Variants in HPSE2 observed in about 807,000 individuals in gnomAD.
HPSE2 encodes heparanase 2 (inactive), also known as inactive heparanase-2.
A neutral mutation model predicts 60.5 loss-of-function variants in HPSE2; 38 were observed. That is an observed-to-expected ratio of 0.63 (90% CI 0.48 to 0.82). The LOEUF (loss-of-function observed/expected upper bound fraction) is 0.82. HPSE2 is among the 40% of genes least tolerant of loss of function. The pLI is 0.00. For missense variants in HPSE2, 713 were observed against 740.4 expected (o/e 0.96, Z 0.43); for synonymous variants, 295 against 293.2 (o/e 1.01, Z -0.06).
intron 3 of HPSE2, among the ~76,000 whole-genome samples, chr10:98,899,534 T>C (rs1031293282): frequency 1.3e-5 from 2 of 152,068 alleles, no homozygotes; most frequent in Non-Finnish European, 2.9e-5. Flanking sequence ...CAAAGGAATA[T>C]AGATGGCAAA....
chr10:98,980,699 T>C (rs1251487168), intron 3 of HPSE2, among the ~76,000 whole-genome samples: 1 of 152,176 alleles, frequency 6.6e-6, no homozygotes, highest in Non-Finnish European at 1.5e-5. Flanking sequence ...CCTACTAAGT[T>C]AGGTTACGGT....
intron 3 of HPSE2, among the ~76,000 whole-genome samples, chr10:99,026,232 A>G (rs1291763699): frequency 6.6e-6 from 1 of 152,072 alleles, no homozygotes; most frequent in Non-Finnish European, 1.5e-5. Context: ...TACAAGAAAC[A>G]CACCTCACCT....
At chr10:98,478,233 G>T (rs1231099554) in intron 11 of HPSE2, among the ~76,000 whole-genome samples, 1 of 152,126 alleles carries the variant, frequency 6.6e-6, no homozygotes, top group Non-Finnish European at 1.5e-5. Context: ...AGAAACCAGG[G>T]AACATGACAA....
At chr10:98,484,784 C>T (rs557721731) in intron 10 of HPSE2, among the ~76,000 whole-genome samples, 1 of 152,332 alleles carries the variant, frequency 6.6e-6, no homozygotes, top group African/African-American at 2.4e-5. Context: ...ATAAGATCTT[C>T]AGAAGTCTGA....
intron 3 of HPSE2, among the ~76,000 whole-genome samples, chr10:98,829,187 A>G (rs1951623375): frequency 6.6e-6 from 1 of 152,100 alleles, no homozygotes; most frequent in Admixed American, 6.6e-5. Context: ...ACAGGAAGAG[A>G]GAATGGGGCC....
intron 6 of HPSE2, among the ~76,000 whole-genome samples, chr10:98,675,598 C>A (rs1947619754): frequency 6.6e-6 from 1 of 151,480 alleles, no homozygotes; most frequent in African/African-American, 2.4e-5. Flanking sequence ...CATGGTGGCA[C>A]ACACCTGTCA....
intron 3 of HPSE2, among the ~76,000 whole-genome samples, chr10:99,135,093 AC>A (rs1480966977): frequency 6.6e-6 from 1 of 152,316 alleles, no homozygotes; most frequent in East Asian, 1.9e-4. Context: ...CAGACTTTAA[AC>A]CAACAAAGAT....
chr10:98,954,897 C>CA (rs1223228933), intron 3 of HPSE2, among the ~76,000 whole-genome samples: 11 of 149,894 alleles, frequency 7.3e-5, no homozygotes, highest in Non-Finnish European at 1.2e-4. Context: ...GGATGTCTCC[C>CA]AAAAAAACAC....
At chr10:98,781,306 T>TTTTTTTTTTTTTG (rs66481971) in intron 3 of HPSE2, among the ~76,000 whole-genome samples, 3 of 120,106 alleles carry the variant, frequency 2.5e-5, no homozygotes, top group Admixed American at 1.8e-4. Flanking sequence ...TTTTTTTTTT[T>TTTTTTTTTTTTTG]ATTTTTAAAT....
At chr10:98,827,126 A>C (rs984699738) in intron 3 of HPSE2, among the ~76,000 whole-genome samples, 1 of 151,726 alleles carries the variant, frequency 6.6e-6, no homozygotes, top group Non-Finnish European at 1.5e-5. Context: ...ACTCAGGCCC[A>C]GGCAACAGAG....
chr10:99,139,706 G>GAT (rs1349277191), intron 3 of HPSE2, among the ~76,000 whole-genome samples: 2 of 152,128 alleles, frequency 1.3e-5, no homozygotes, highest in East Asian at 1.9e-4. Flanking sequence ...GAAAATTTAA[G>GAT]ATATATATAT....
intron 3 of HPSE2, among the ~76,000 whole-genome samples, chr10:98,909,914 C>T (rs1176308763): frequency 6.6e-6 from 1 of 151,908 alleles, no homozygotes; most frequent in Non-Finnish European, 1.5e-5. Context: ...ACACAAAAAC[C>T]AAGATTAAAA....
At chr10:98,553,610 C>T (rs1157146454) in intron 9 of HPSE2, among the ~76,000 whole-genome samples, 2 of 152,192 alleles carry the variant, frequency 1.3e-5, no homozygotes, top group Non-Finnish European at 2.9e-5. Flanking sequence ...TTCTACCATC[C>T]TTCTCTCCAC....
In HPSE2 at chr10:98,923,219, C is replaced by T. The variant is rs555782724; in HGVS notation, c.611-179163G>A. 2.4e-4 allele frequency among the ~76,000 whole-genome samples: 37 copies of T among 152,274 alleles called. No individual in the cohort carries two copies. The South Asian group carries it at 5.6e-3, about 23-fold the overall frequency. On this transcript the variant is annotated intron_variant, in intron 3 of 11. Transcript: ENST00000370552. ...TTTCAGCACTTTAAATATCTCATGC[C>T]ACTCTCTCCTGACCTGTAAGGTTTG... is the stretch of plus-strand genomic sequence containing the variant.
chr10:99,051,000 G>C (rs1347253149), intron 3 of HPSE2, among the ~76,000 whole-genome samples: 1 of 151,842 alleles, frequency 6.6e-6, no homozygotes, highest in Non-Finnish European at 1.5e-5. Context: ...CCATCATTTT[G>C]TACCCCATAA....
At chr10:99,255,563 TACACACACACAC>T in the HPSE2 span, among the ~76,000 whole-genome samples, 76 of 147,420 alleles carry the variant, frequency 5.2e-4, 1 homozygote, top group Non-Finnish European at 8.0e-4. Context: ...CATGCACACA[TACACACACACAC>T]ACACACACAC....
chr10:99,248,601 T>C, the HPSE2 span, among the ~76,000 whole-genome samples: 1 of 152,204 alleles, frequency 6.6e-6, no homozygotes, highest in Non-Finnish European at 1.5e-5. Flanking sequence ...AGAAAAACCA[T>C]TTTCAGGGGA....
chr10:99,213,931 A>C (rs568089709), intron 2 of HPSE2, among the ~76,000 whole-genome samples: 2 of 152,334 alleles, frequency 1.3e-5, no homozygotes, highest in Admixed American at 1.3e-4. Context: ...CCACAGAATG[A>C]GGGAAAAATT....
chr10:98,517,206 G>C (rs1241360108), intron 9 of HPSE2, among the ~76,000 whole-genome samples: 5 of 148,734 alleles, frequency 3.4e-5, no homozygotes, highest in Non-Finnish European at 6.0e-5. Context: ...GGGTGGGGGG[G>C]GCGAGGCGAG....
Sources: allele counts gnomAD v4.1 joint callset (sites outside exome capture counted in the v4.1 genomes callset), GRCh38; gene constraint gnomAD v4.1.1; transcripts MANE v1.5; gene names NCBI Gene and HGNC (gene_info 2026-07-23, HGNC 2026-07-21).